DMD: variants seen among roughly 807,000 people sequenced by gnomAD.
DMD encodes dystrophin.
A neutral mutation model predicts 330.1 loss-of-function variants in DMD; 63 were observed. The ratio of observed to expected loss-of-function variants is 0.19; its 90% CI spans 0.16 to 0.24. The LOEUF (loss-of-function observed/expected upper bound fraction) is 0.24. Among genes scored for constraint, DMD ranks in the 10% least tolerant of loss-of-function variants. The probability of loss-of-function intolerance (pLI) is 1.00; values close to 1 mark genes in which losing one functional copy is unlikely to be tolerated. For missense variants in DMD, 3,344 were observed against 2,684.1 expected, an observed-to-expected ratio of 1.25 and a Z score of -5.43; for synonymous variants, 1,223 against 959.8, an observed-to-expected ratio of 1.27 and a Z score of -5.07.
intron 1 of DMD, among the ~76,000 whole-genome samples, chrX:33,118,649 G>A (rs1046300236): frequency 2.7e-5 from 3 of 111,824 alleles, no homozygotes; most frequent in African/African-American, 9.7e-5. Flanking sequence ...TAAAATTAAT[G>A]AGAAGACTAA....
At chrX:32,190,114 G>C (rs913619655) in intron 44 of DMD, among the ~76,000 whole-genome samples, 8 of 110,594 alleles carry the variant, frequency 7.2e-5, no homozygotes, top group African/African-American at 1.6e-4. Flanking sequence ...AAAGAAGAGA[G>C]TACTATTGGC....
chrX:32,885,843 A>C (rs914902758), intron 2 of DMD, among the ~76,000 whole-genome samples: 2 of 108,415 alleles, frequency 1.8e-5, no homozygotes, highest in South Asian at 7.9e-4. Context: ...AAAAAAAAAA[A>C]AAAAAACCTT....
chrX:31,505,640 C>T (rs1220752900), intron 56 of DMD, among the ~76,000 whole-genome samples: 3 of 109,671 alleles, frequency 2.7e-5, no homozygotes, highest in Non-Finnish European at 3.8e-5. Flanking sequence ...TTACTTTTTT[C>T]TTTTTTCTTT....
chrX:31,789,532 A>G (rs1214189462), intron 50 of DMD, among the ~76,000 whole-genome samples: 1 of 111,763 alleles, frequency 8.9e-6, no homozygotes, highest in Non-Finnish European at 1.9e-5. Context: ...AAAATTTTCA[A>G]TGAAGTTATA....
chrX:33,086,417 G>A (rs2148278624), intron 1 of DMD, among the ~76,000 whole-genome samples: 1 of 111,227 alleles, frequency 9.0e-6, no homozygotes, highest in East Asian at 2.8e-4. Flanking sequence ...CTAATTATAA[G>A]GTAGAACATT....
At chrX:32,692,991 G>T (rs1428268134) in intron 9 of DMD, among the ~76,000 whole-genome samples, 4 of 111,976 alleles carry the variant, frequency 3.6e-5, no homozygotes, top group Admixed American at 1.9e-4. Flanking sequence ...GGAAACTGAG[G>T]CCCAGAGTTC....
At chrX:31,645,387 T>A (rs766278191) in intron 54 of DMD, among the ~76,000 whole-genome samples, 53 of 112,157 alleles carry the variant, frequency 4.7e-4, no homozygotes, top group Non-Finnish European at 9.2e-4. Context: ...AGCTAATTAA[T>A]CAATATTCCC....
At chrX:32,431,873 AGTGT>A (rs1168300440) in intron 29 of DMD, among the ~76,000 whole-genome samples, 2 of 110,872 alleles carry the variant, frequency 1.8e-5, no homozygotes, top group African/African-American at 6.6e-5. Flanking sequence ...CGTGTGAGTG[AGTGT>A]GTGTATGTCT....
At chrX:32,639,090 T>C (rs1372126830) in intron 11 of DMD, among the ~76,000 whole-genome samples, 1 of 111,988 alleles carries the variant, frequency 8.9e-6, no homozygotes, top group Non-Finnish European at 1.9e-5. Context: ...TTTTTTTCCC[T>C]TACCGTCACA....
intron 1 of DMD, among the ~76,000 whole-genome samples, chrX:33,287,243 G>T (rs2053446828): frequency 1.8e-5 from 2 of 110,976 alleles, no homozygotes. Flanking sequence ...AATTAATACA[G>T]GGTTTTTCAA....
intron 7 of DMD, among the ~76,000 whole-genome samples, chrX:32,741,151 C>T (rs370601246): frequency 4.5e-5 from 5 of 111,366 alleles, no homozygotes; most frequent in South Asian, 3.8e-4. Context: ...ATCATAATAA[C>T]GCAAGAAAAA....
In DMD at chrX:33,190,481, T is replaced by C. The variant is rs866403539; in HGVS notation, c.31+20801A>G. On this transcript the variant is annotated intron_variant, in intron 1 of 78. Coordinates refer to ENST00000357033, the MANE Select transcript of DMD (RefSeq NM_004006.3). ...AAAATATTGATCTTTCTTTCTTTTT[T>C]TTTTTTTTTTTTTTTTTGAGACGGA... 3.3e-4 allele frequency among the ~76,000 whole-genome samples: 5 copies of C among 15,310 alleles called. 1 individual carries two copies. The highest frequency in any genetic ancestry group is 2.4e-3 in the South Asian group (1 of 413). 13.3% of individuals were successfully genotyped at this position (15,310 alleles called of 115,157 possible). A position where few individuals can be genotyped will look rare whatever the true frequency, so the allele number is the denominator to read the frequency against.
At chrX:33,040,377 G>GCT (rs1455018774) in intron 1 of DMD, among the ~76,000 whole-genome samples, 18 of 111,020 alleles carry the variant, frequency 1.6e-4, no homozygotes, top group Admixed American at 1.3e-3. Context: ...CTGAGAGAGG[G>GCT]TCAAGATACC....
intron 34 of DMD, among the ~76,000 whole-genome samples, chrX:32,375,419 G>A (rs1217148072): frequency 8.9e-6 from 1 of 111,866 alleles, no homozygotes; most frequent in African/African-American, 3.3e-5. Flanking sequence ...CTCACGAAGT[G>A]GGTGTTCCTT....
intron 29 of DMD, among the ~76,000 whole-genome samples, chrX:32,422,522 C>T (rs778707776): frequency 1.8e-5 from 2 of 111,212 alleles, no homozygotes; most frequent in East Asian, 2.8e-4. Context: ...CAAAAAAGAG[C>T]GAACAGTAGA....
At chrX:32,391,995 C>T (rs1423332913) in intron 30 of DMD, among the ~76,000 whole-genome samples, 2 of 111,899 alleles carry the variant, frequency 1.8e-5, no homozygotes, top group Admixed American at 1.9e-4. Context: ...AGAATACACA[C>T]AATGCTTGTG....
At chrX:32,411,487 T>C (rs1185156470) in intron 30 of DMD, among the ~76,000 whole-genome samples, 1 of 111,434 alleles carries the variant, frequency 9.0e-6, no homozygotes, top group African/African-American at 3.3e-5. Flanking sequence ...TTTAGTATAG[T>C]TTGAAGTCAG....
At chrX:31,257,743 G>A (rs1204361394) in intron 63 of DMD, among the ~76,000 whole-genome samples, 1 of 111,786 alleles carries the variant, frequency 8.9e-6, no homozygotes, top group African/African-American at 3.3e-5. Context: ...TCAGGAGTTC[G>A]AGACCAGCCT....
chrX:31,863,445 G>A (rs912208038), intron 48 of DMD, among the ~76,000 whole-genome samples: 4 of 112,145 alleles, frequency 3.6e-5, no homozygotes, highest in South Asian at 7.4e-4. Flanking sequence ...ACTTTCTTCC[G>A]CTTTACAAAA....
Sources: gnomAD v4.1 joint callset for allele counts (sites outside exome capture counted in the v4.1 genomes callset) on GRCh38, gnomAD v4.1.1 for gene constraint, MANE v1.5 for transcripts, NCBI Gene and HGNC (gene_info 2026-07-23, HGNC 2026-07-21) for gene names.